MOB4: variants seen among roughly 807,000 people sequenced by gnomAD.
MOB4 encodes MOB family member 4, phocein, also known as MOB-like protein phocein.
MOB4 carries 4 observed loss-of-function variants against 32.2 expected under a neutral mutation model. The observed-to-expected ratio is 0.12, with a 90% CI of 0.06 to 0.28. The LOEUF is 0.28. MOB4 is among the 10% of genes least tolerant of loss of function. MOB4 has a pLI of 1.00. For synonymous variants in MOB4, 88 were observed against 88.1 expected, an observed-to-expected ratio of 1.00 and a Z score of 0.01; for missense variants, 158 against 271.2, an observed-to-expected ratio of 0.58 and a Z score of 2.93.
intron 1 of MOB4, among the ~76,000 whole-genome samples, chr2:197,520,065 GC>G (rs1249186391): frequency 6.6e-6 from 1 of 152,060 alleles, no homozygotes; most frequent in Non-Finnish European, 1.5e-5. Flanking sequence ...CGGGGACATT[GC>G]TACTATAGTT....
At chr2:197,531,070 C>G (rs2086694658) in intron 2 of MOB4, among the ~76,000 whole-genome samples, 1 of 147,330 alleles carries the variant, frequency 6.8e-6, no homozygotes. Flanking sequence ...TTTTTTGAGG[C>G]AGAGTCTCGC....
At chr2:197,535,667 A>C in intron 3 of MOB4, 37 bp downstream of exon 3, 3 of 1,574,416 alleles carry the variant, frequency 1.9e-6, no homozygotes, top group Non-Finnish European at 2.6e-6. Context: ...AGTACCTCTC[A>C]CAAAACTAGC....
intron 1 of MOB4, chr2:197,516,639 G>T (rs2086418447): frequency 6.4e-6 from 3 of 472,106 alleles, no homozygotes; most frequent in African/African-American, 2.0e-5. Context: ...TTGTCTAGCC[G>T]GATCCGGGTG....
In MOB4 at chr2:197,543,027, A is replaced by G. The variant is rs576519087; in HGVS notation, c.354+2590A>G. Among the ~76,000 whole-genome samples the G allele has an allele frequency of 9.2e-5, 14 of 152,228 alleles. No individual in the cohort carries two copies. In the South Asian group the frequency reaches 2.1e-3, roughly 23 times the overall value. On this transcript the variant is annotated intron_variant, in intron 5 of 7. Transcript: ENST00000323303. ...ATAAATACTGGATTTCGAAGACAGT[A>G]ACGCCTGTAATCCCAGCACTTTGGG...
intron 1 of MOB4, 53 bp downstream of exon 1, chr2:197,516,199 G>A (rs888939229): frequency 6.4e-7 from 1 of 1,552,928 alleles, no homozygotes. Flanking sequence ...GCAGTGCTGC[G>A]CCCGGAAGCT....
At chr2:197,538,137 GT>G (rs1380857288) in intron 3 of MOB4, among the ~76,000 whole-genome samples, 119 of 139,340 alleles carry the variant, frequency 8.5e-4, no homozygotes, top group African/African-American at 2.0e-3. Context: ...TGTTACAAGG[GT>G]TTTTTTTTTT....
Position 197,540,432 on chromosome 2 carries a change from A to G in MOB4, c.349A>G (p.Lys117Glu). The G allele has an allele frequency of 1.3e-6, 2 of 1,579,270 alleles. No homozygotes were observed. Among genetic ancestry groups the G allele is most frequent in the Non-Finnish European group, 1.7e-6 (2 of 1,168,622 alleles). ...TCTTTGTGCAGCTCATAAAACTCCAAAAGAGGTGAGGATTTATGAAATAGA... is the reference window on the plus strand; with the variant it reads ...TCTTTGTGCAGCTCATAAAACTCCAGAAGAGGTGAGGATTTATGAAATAGA... ...IFLCAAHKTP[K>E]ECPAIDYTRH... Residue 117 changes from lysine to glutamate, a missense_variant, in exon 5 of 8, where the codon AAA (lysine) becomes GAA (glutamate). By Grantham distance (56) the Lys-to-Glu change is moderately conservative (BLOSUM62 1). Transcript: ENST00000323303.
Position 197,553,465 on chromosome 2 carries a change from T to C in MOB4, c.*2819T>C, listed in dbSNP as rs1002018715. 2 of 152,170 alleles carry C rather than the reference T, an allele frequency of 1.3e-5. No homozygotes were observed. Among genetic ancestry groups the C allele is most frequent in the Admixed American group, 1.3e-4 (2 of 15,272 alleles). The allele number at this position is 152,170 out of a possible 1,614,324, so 9.4% of individuals were successfully genotyped here. The stretch of plus-strand genomic sequence containing the variant: ...CCTTGATTACATTGTTAGTAAGGAC[T>C]GTGTTACGATTATAAACACATTTAT... On this transcript the variant is annotated 3_prime_UTR_variant, in exon 8 of 8. Coordinates refer to ENST00000323303, the MANE Select transcript of MOB4 (RefSeq NM_015387.5).
chr2:197,537,233 T>A (rs1313457439), intron 3 of MOB4, among the ~76,000 whole-genome samples: 1 of 152,182 alleles, frequency 6.6e-6, no homozygotes, highest in East Asian at 1.9e-4. Context: ...AGTGGATAGG[T>A]GGAGATAACA....
Position 197,550,301 on chromosome 2 carries a change from C to T in MOB4, c.461C>T (p.Ala154Val), listed in dbSNP as rs776186816. The T allele has an allele frequency of 4.3e-6, 7 of 1,613,038 alleles. No homozygotes were observed. The highest frequency in any genetic ancestry group is 4.5e-5 in the East Asian group (2 of 44,830). Residue 154 changes from alanine to valine, a missense_variant, in exon 7 of 8, where the codon GCG (alanine) becomes GTG (valine). Coordinates refer to ENST00000323303, the MANE Select transcript of MOB4 (RefSeq NM_015387.5). ...SRVSIKESSVAKLGSVCRRIY... is the reference protein window; with the variant it reads ...SRVSIKESSVVKLGSVCRRIY... ...GTTAGCATAAAGGAATCATCTGTAG[C>T]GAAACTAGGATCAGTATGCCGTAGG...
chr2:197,540,444 A>T lies in MOB4; in HGVS notation c.354+7A>T, dbSNP rs565049709. 6.4e-7 allele frequency: 1 copy of T among 1,567,312 alleles called. No individual in the cohort carries two copies. The highest frequency in any genetic ancestry group is 2.3e-5 in the East Asian group (1 of 43,736). ...TCATAAAACTCCAAAAGAGGTGAGGATTTATGAAATAGAGTAACTAATAAA... is the reference window on the plus strand; with the variant it reads ...TCATAAAACTCCAAAAGAGGTGAGGTTTTATGAAATAGAGTAACTAATAAA... On this transcript the variant is annotated splice_region_variant and intron_variant, in intron 5 of 7. Coordinates refer to ENST00000323303, the MANE Select transcript of MOB4 (RefSeq NM_015387.5).
chr2:197,547,472 A>C lies in MOB4; in HGVS notation c.355-864A>C, dbSNP rs555663954. On this transcript the variant is annotated intron_variant, in intron 5 of 7. Coordinates refer to ENST00000323303, the MANE Select transcript of MOB4 (RefSeq NM_015387.5). ...GCTCATGGTACTGTTTTTGGCAAGG[A>C]GTCCACTAATCAGAAATTCCTGTGG... Among the ~76,000 whole-genome samples the C allele has an allele frequency of 3.3e-4, 51 of 152,298 alleles. No homozygotes were observed. The South Asian group carries it at 0.01, about 30-fold the overall frequency.
In MOB4 at chr2:197,550,600, T is replaced by C. The variant is rs1223650951; in HGVS notation, c.632T>C (p.Leu211Ser). 1.2e-6 allele frequency: 2 copies of C among 1,607,246 alleles called. No homozygotes were observed. The highest frequency in any genetic ancestry group is 8.5e-7 in the Non-Finnish European group (1 of 1,178,366). The change falls in exon 8 of 8, where the codon TTA (leucine) becomes TCA (serine). Residue 211 changes from leucine (L) to serine (S), a missense_variant. Leu to Ser is a moderately radical substitution (Grantham distance 145). Coordinates refer to ENST00000323303, the MANE Select transcript of MOB4 (RefSeq NM_015387.5). The stretch of plus-strand genomic sequence containing the variant: ...AAGGATAACCTGATTGTACCAATTT[T>C]AGAAGAGGAAGTACAGAATTCAGTT... ...MSKDNLIVPILEEEVQNSVSG... is the reference protein window; with the variant it reads ...MSKDNLIVPISEEEVQNSVSG...
At chr2:197,546,984 G>C (rs1328641749) in intron 5 of MOB4, among the ~76,000 whole-genome samples, 2 of 152,164 alleles carry the variant, frequency 1.3e-5, no homozygotes, top group Admixed American at 1.3e-4. Flanking sequence ...GATGGCTTAT[G>C]CCTGTAAACC....
intron 6 of MOB4, among the ~76,000 whole-genome samples, chr2:197,549,859 TAAAA>T (rs573507195): frequency 4.7e-5 from 4 of 85,078 alleles, no homozygotes; most frequent in South Asian, 8.2e-4. Flanking sequence ...CCTTAATTTC[TAAAA>T]AAAAAAAAAA....
intron 1 of MOB4, 96 bp downstream of exon 1, chr2:197,516,242 G>A (rs2086409060): frequency 6.6e-7 from 1 of 1,516,438 alleles, no homozygotes; most frequent in Non-Finnish European, 8.8e-7. Context: ...GGCCGAGGCG[G>A]CAGGCGGGCG....
rs528700448 is a variant in MOB4 at position 197,545,230 on chromosome 2, C to G, written c.355-3106C>G. Among the ~76,000 whole-genome samples, 6 of 152,222 alleles carry G rather than the reference C, an allele frequency of 3.9e-5. No homozygotes were observed. In the East Asian group the frequency reaches 9.6e-4, roughly 24 times the overall value. On this transcript the variant is annotated intron_variant, in intron 5 of 7. Transcript: ENST00000323303. The stretch of plus-strand genomic sequence containing the variant: ...GCCTCAGAGGATTGGTCCCAGGACC[C>G]CCATGAATACCAAAACCACAGATAC...
intron 5 of MOB4, among the ~76,000 whole-genome samples, chr2:197,544,376 T>C (rs1233217475): frequency 6.6e-6 from 1 of 152,156 alleles, no homozygotes. Flanking sequence ...CTGGCCATAA[T>C]AGTTTCTGTT....
Position 197,551,094 on chromosome 2 carries a change from T to G in MOB4, c.*448T>G, listed in dbSNP as rs556583357. On this transcript the variant is annotated 3_prime_UTR_variant, in exon 8 of 8. Transcript: ENST00000323303. ...CTGTAGTACGTAGTTTTGTCTTACCTGTTAACTTTCCCCAATTGAGATAAA... is the reference window on the plus strand; with the variant it reads ...CTGTAGTACGTAGTTTTGTCTTACCGGTTAACTTTCCCCAATTGAGATAAA... 2 of 152,460 alleles carry G rather than the reference T, an allele frequency of 1.3e-5. No individual in the cohort carries two copies. Among genetic ancestry groups the G allele is most frequent in the Non-Finnish European group, 2.9e-5 (2 of 68,104 alleles). The allele number at this position is 152,460 out of a possible 1,614,324, so 9.4% of individuals were successfully genotyped here.
Sources: allele counts gnomAD v4.1 joint callset (sites outside exome capture counted in the v4.1 genomes callset), GRCh38; gene constraint gnomAD v4.1.1; transcripts MANE v1.5; gene names NCBI Gene and HGNC (gene_info 2026-07-23, HGNC 2026-07-21).